The following CCSER1 variants were observed in gnomAD, a reference collection of about 807,000 sequenced individuals.
CCSER1 encodes serine-rich coiled-coil domain-containing protein 1.
CCSER1 carries 41 observed loss-of-function variants against 82.0 expected under a neutral mutation model. That is an observed-to-expected ratio of 0.50 (90% confidence interval 0.39 to 0.65). The LOEUF (loss-of-function observed/expected upper bound fraction) is 0.65, where lower values mean the gene tolerates loss of function less well. CCSER1 is among the 30% of genes least tolerant of loss of function. The pLI, the probability that CCSER1 is intolerant of heterozygous loss-of-function variation, is 0.00. For synonymous variants in CCSER1, 414 were observed against 383.9 expected, an observed-to-expected ratio of 1.08 and a Z score of -0.92; for missense variants, 1,119 against 1,064.2, an observed-to-expected ratio of 1.05 and a Z score of -0.72.
At chr4:91,514,978 T>C (rs1760025708) in intron 10 of CCSER1, among the ~76,000 whole-genome samples, 1 of 152,202 alleles carries the variant, frequency 6.6e-6, no homozygotes, top group Non-Finnish European at 1.5e-5. Flanking sequence ...CTTATTCTAC[T>C]GATTTACAGG....
At chr4:90,921,268 G>GT (rs1728340824) in intron 8 of CCSER1, among the ~76,000 whole-genome samples, 1 of 150,980 alleles carries the variant, frequency 6.6e-6, no homozygotes, top group Non-Finnish European at 1.5e-5. Context: ...ACTTTCATAT[G>GT]TTTACGGCCT....
chr4:90,231,932 T>C (rs1188547361), intron 1 of CCSER1, among the ~76,000 whole-genome samples: 1 of 150,504 alleles, frequency 6.6e-6, no homozygotes, highest in East Asian at 2.0e-4. Flanking sequence ...GAAGGACCTC[T>C]TCAAGGAGAA....
At chr4:90,578,390 C>T (rs1035832554) in intron 5 of CCSER1, among the ~76,000 whole-genome samples, 1 of 152,134 alleles carries the variant, frequency 6.6e-6, no homozygotes, top group African/African-American at 2.4e-5. Context: ...TTCCTTGACT[C>T]ATGGCCCCTT....
At chr4:90,561,791 A>G (rs1778785832) in intron 5 of CCSER1, among the ~76,000 whole-genome samples, 1 of 152,154 alleles carries the variant, frequency 6.6e-6, no homozygotes, top group Admixed American at 6.5e-5. Flanking sequence ...GTATTTTCCT[A>G]TTTATCCAGC....
intron 5 of CCSER1, among the ~76,000 whole-genome samples, chr4:90,587,074 C>T (rs1265617977): frequency 3.9e-5 from 6 of 152,176 alleles, no homozygotes; most frequent in Non-Finnish European, 7.3e-5. Context: ...AGGACTCAAT[C>T]ACCATTATAC....
chr4:91,022,139 TA>T (rs1048865398), intron 9 of CCSER1, among the ~76,000 whole-genome samples: 1 of 148,188 alleles, frequency 6.7e-6, no homozygotes, highest in African/African-American at 2.5e-5. Context: ...CTCCTAATGC[TA>T]TCCCTCCCCC....
At chr4:90,987,473 A>T (rs1736667395) in intron 9 of CCSER1, among the ~76,000 whole-genome samples, 1 of 151,552 alleles carries the variant, frequency 6.6e-6, no homozygotes, top group African/African-American at 2.4e-5. Flanking sequence ...CTGGTTCAAA[A>T]CAAATCTTTC....
intron 10 of CCSER1, among the ~76,000 whole-genome samples, chr4:91,508,930 G>T (rs1261482242): frequency 6.6e-6 from 1 of 151,804 alleles, no homozygotes; most frequent in Non-Finnish European, 1.5e-5. Flanking sequence ...ATTTCTGTAA[G>T]ATTTATTGTC....
At chr4:90,499,131 T>C (rs1034859674) in intron 5 of CCSER1, among the ~76,000 whole-genome samples, 2 of 151,998 alleles carry the variant, frequency 1.3e-5, no homozygotes, top group South Asian at 2.1e-4. Flanking sequence ...TGTGTGTGTG[T>C]GCATATGTGT....
rs187962832 is a variant in CCSER1 at position 91,087,653 on chromosome 4, C to T, written c.2217+1659C>T. 1.6e-3 allele frequency among the ~76,000 whole-genome samples: 239 copies of T among 152,094 alleles called. 3 individuals are homozygous for T. Among genetic ancestry groups the T allele is most frequent in the Non-Finnish European group, 2.6e-4 (18 of 67,958 alleles). ...GGACAACACTGATTTTGGCCTTCTC[C>T]CTCAGGGTAGTGGAATAATTGTAAA... On this transcript the variant is annotated intron_variant, in intron 10 of 10. Transcript: ENST00000509176.
At chr4:91,194,254 G>T (rs1241170278) in intron 10 of CCSER1, among the ~76,000 whole-genome samples, 2 of 152,108 alleles carry the variant, frequency 1.3e-5, no homozygotes, top group African/African-American at 2.4e-5. Context: ...ACTGCACCTG[G>T]ACCCTATTCT....
intron 3 of CCSER1, among the ~76,000 whole-genome samples, chr4:90,389,080 C>T (rs746822974): frequency 2.6e-4 from 40 of 152,062 alleles, no homozygotes; most frequent in Admixed American, 9.2e-4. Flanking sequence ...AGAACTACAA[C>T]GATTTTTAAC....
In CCSER1 at chr4:90,719,686, T is replaced by A. The variant is rs560954674; in HGVS notation, c.1933-4228T>A. Among the ~76,000 whole-genome samples, 14 of 152,256 alleles carry A rather than the reference T, an allele frequency of 9.2e-5. No individual in the cohort carries two copies. The East Asian group carries it at 2.7e-3, about 29-fold the overall frequency. On this transcript the variant is annotated intron_variant, in intron 6 of 10. Transcript: ENST00000509176. The stretch of plus-strand genomic sequence containing the variant: ...TAGACTGTGGCCATTGGTTTGAGGG[T>A]AGAAGACCATAGATGTGAAGGATCC...
chr4:90,622,739 G>C (rs1722557457), intron 5 of CCSER1, among the ~76,000 whole-genome samples: 2 of 152,078 alleles, frequency 1.3e-5, no homozygotes, highest in Non-Finnish European at 2.9e-5. Flanking sequence ...GTGTGCATGT[G>C]TCTTTATAGC....
intron 5 of CCSER1, among the ~76,000 whole-genome samples, chr4:90,584,179 C>T (rs1295687956): frequency 6.6e-6 from 1 of 151,922 alleles, no homozygotes; most frequent in African/African-American, 2.4e-5. Context: ...ATTAATGTCT[C>T]AAATCATTGA....
chr4:90,898,066 T>A (rs186465345), intron 8 of CCSER1, among the ~76,000 whole-genome samples: 170 of 152,002 alleles, frequency 1.1e-3, no homozygotes, highest in African/African-American at 3.9e-3. Flanking sequence ...AGGATGTATG[T>A]TTACTCTGTT....
At chr4:90,157,790 A>T (rs972671221) in intron 1 of CCSER1, among the ~76,000 whole-genome samples, 1 of 152,052 alleles carries the variant, frequency 6.6e-6, no homozygotes, top group African/African-American at 2.4e-5. Flanking sequence ...TTTTTTTCGA[A>T]GTTTTTAACT....
intron 8 of CCSER1, among the ~76,000 whole-genome samples, chr4:90,903,597 A>G (rs1724994664): frequency 6.6e-6 from 1 of 152,168 alleles, no homozygotes; most frequent in Non-Finnish European, 1.5e-5. Context: ...CTCAAGGCAC[A>G]TGGCTACTGC....
rs145444314 is a variant in CCSER1, at chr4:91,195,533, A to C, written c.2217+109539A>C. 4.8e-3 allele frequency among the ~76,000 whole-genome samples: 724 copies of C among 152,260 alleles called. 4 individuals are homozygous for C. Among genetic ancestry groups the C allele is most frequent in the South Asian group, 0.029 (141 of 4,820 alleles). ...TTGAATCATACCAATATAATTCGCA[A>C]TTAACTGATGGAAGGAATTGGTTTC... is the stretch of plus-strand genomic sequence containing the variant. On this transcript the variant is annotated intron_variant, in intron 10 of 10. Transcript: ENST00000509176.
Sources: allele counts gnomAD v4.1 joint callset (sites outside exome capture counted in the v4.1 genomes callset), GRCh38; gene constraint gnomAD v4.1.1; transcripts MANE v1.5; gene names NCBI Gene and HGNC (gene_info 2026-07-23, HGNC 2026-07-21).